The following NMRAL1 variants were observed in gnomAD, a reference collection of about 807,000 sequenced individuals.
NMRAL1 encodes the protein NmrA like redox sensor 1.
A neutral mutation model predicts 27.5 loss-of-function variants in NMRAL1; 32 were observed. That is an observed-to-expected ratio of 1.16 (90% CI 0.88 to 1.56). The LOEUF is 1.56. Among genes scored for constraint, NMRAL1 ranks in the 40% most tolerant of loss-of-function variants. NMRAL1 has a pLI of 0.00. For missense variants in NMRAL1, 420 were observed against 392.0 expected, an observed-to-expected ratio of 1.07 and a Z score of -0.60; for synonymous variants, 166 against 166.8, an observed-to-expected ratio of 1.00 and a Z score of 0.04.
chr16:4,464,082 G>C (rs1177113965), intron 4 of NMRAL1: 19 of 538,862 alleles, frequency 3.5e-5, no homozygotes, highest in Non-Finnish European at 5.5e-5. Context: ...GGCTGTTGAG[G>C]CTCTCTGAGC....
At position 4,463,858 on chromosome 16, in the gene NMRAL1, G is replaced by A. The variant is rs1408416646; in HGVS notation, c.530-8C>T. 1.2e-6 allele frequency: 2 copies of A among 1,610,974 alleles called. No individual in the cohort carries two copies. Among genetic ancestry groups the A allele is most frequent in the Non-Finnish European group, 1.7e-6 (2 of 1,177,920 alleles). ...CGTCACCTGTGGGCAAGCCTGTGGG[G>A]CAGAGACGTGAGCTGGTATATGTCC... is the stretch of plus-strand genomic sequence containing the variant. On this transcript the variant is annotated splice_polypyrimidine_tract_variant and splice_region_variant and intron_variant, in intron 4 of 5. Transcript: ENST00000283429.
chr16:4,463,810 C>T lies in NMRAL1; in HGVS notation c.570G>A (p.Val190=), dbSNP rs1024180276. Residue 190 remains valine (V), a synonymous_variant, in exon 5 of 6, where the codon GTG becomes GTA. Coordinates refer to ENST00000283429, the MANE Select transcript of NMRAL1 (RefSeq NM_020677.6). ...TGDVPMDGMS[V]SDLGPVVLSL... is the part of the protein sequence containing the mutation. The stretch of plus-strand genomic sequence containing the variant: ...TGAGCACCACAGGACCCAGGTCAGA[C>T]ACGGACATGCCATCCATGGGAACGT... 29 of 1,613,820 alleles carry T rather than the reference C, an allele frequency of 1.8e-5. No homozygotes were observed. The highest frequency in any genetic ancestry group is 2.3e-5 in the Non-Finnish European group (27 of 1,179,940).
At position 4,461,760 on chromosome 16, in the gene NMRAL1, G is replaced by A. The variant is rs1291200702; in HGVS notation, c.*20C>T. 1 of 1,595,276 alleles carries A rather than the reference G, an allele frequency of 6.3e-7. No individual in the cohort carries two copies. On this transcript the variant is annotated 3_prime_UTR_variant, in exon 6 of 6. Coordinates refer to ENST00000283429, the MANE Select transcript of NMRAL1 (RefSeq NM_020677.6). ...CCTCTGGTGCCCCCGATCCCCACAA[G>A]GGGCCGCGAGGCGGGCAGGTCACAG...
At chr16:4,473,038 C>G (rs921370018) in intron 2 of NMRAL1, among the ~76,000 whole-genome samples, 1 of 147,792 alleles carries the variant, frequency 6.8e-6, no homozygotes, top group African/African-American at 2.5e-5. Flanking sequence ...TGCAGTGGCA[C>G]AATCAGGTCA....
rs2057456814 is a variant in NMRAL1 at position 4,469,316 on chromosome 16, T to A, written c.190A>T (p.Ile64Phe). ...GCCCCATTCAGGGCCAGCTCCATGA[T>A]GACCTGGTCATCTTGGTCTCCCTGC... ...VVQGDQDDQV[I>F]MELALNGAYA... Residue 64 changes from isoleucine to phenylalanine, a missense_variant, in exon 3 of 6, where the codon ATC (isoleucine) becomes TTC (phenylalanine). Coordinates refer to ENST00000283429, the MANE Select transcript of NMRAL1 (RefSeq NM_020677.6). 2.5e-6 allele frequency: 4 copies of A among 1,614,052 alleles called. No homozygotes were observed. Among genetic ancestry groups the A allele is most frequent in the African/African-American group, 1.3e-5 (1 of 74,942 alleles).
At chr16:4,464,258 ACT>A (rs1332093253) in intron 4 of NMRAL1, 6 of 217,660 alleles carry the variant, frequency 2.8e-5, no homozygotes, top group African/African-American at 1.4e-4. Context: ...AGCCTGAAGT[ACT>A]CTGTCATATC....
In NMRAL1 at chr16:4,463,966, C is replaced by T. The variant is rs925484430; in HGVS notation, c.530-116G>A. 28 of 735,276 alleles carry T rather than the reference C, an allele frequency of 3.8e-5. No individual in the cohort carries two copies. In the Admixed American group the frequency reaches 8.1e-4, roughly 21 times the overall value. 45.5% of individuals were successfully genotyped at this position (735,276 alleles called of 1,614,324 possible). A position where few individuals can be genotyped will look rare whatever the true frequency, so the allele number is the denominator to read the frequency against. Reference sequence around the variant, plus strand: ...CCCAGCAGTCAGCTGCACACTCCAGCACTCGGGCATAGCTAAGACAAGTCT... The same window carrying T: ...CCCAGCAGTCAGCTGCACACTCCAGTACTCGGGCATAGCTAAGACAAGTCT... On this transcript the variant is annotated intron_variant, in intron 4 of 5. Coordinates refer to ENST00000283429, the MANE Select transcript of NMRAL1 (RefSeq NM_020677.6).
chr16:4,465,705 T>C (rs1180368377), intron 4 of NMRAL1, among the ~76,000 whole-genome samples: 1 of 152,134 alleles, frequency 6.6e-6, no homozygotes, highest in Admixed American at 6.6e-5. Context: ...TAGCTGCCAG[T>C]ACAGGTGGGT....
At chr16:4,473,996 C>A in intron 2 of NMRAL1, 97 bp downstream of exon 2, 2 of 906,898 alleles carry the variant, frequency 2.2e-6, no homozygotes, top group Non-Finnish European at 3.5e-6. Flanking sequence ...GTCGGGGGTC[C>A]CAGTGACCTT....
At chr16:4,469,734 G>T in intron 2 of NMRAL1, 1 of 538,226 alleles carries the variant, frequency 1.9e-6, no homozygotes, top group Non-Finnish European at 3.2e-6. Context: ...GGGTGTGAAG[G>T]CACATGCCTG....
At chr16:4,466,919 G>A (rs1310513832) in intron 3 of NMRAL1, 1 of 159,310 alleles carries the variant, frequency 6.3e-6, no homozygotes, top group South Asian at 1.8e-4. Flanking sequence ...AGGTGACGCA[G>A]AGATTCGGAC....
chr16:4,472,499 C>A (rs953807345), intron 2 of NMRAL1, among the ~76,000 whole-genome samples: 1 of 151,998 alleles, frequency 6.6e-6, no homozygotes, highest in African/African-American at 2.4e-5. Flanking sequence ...AATCCCAGCA[C>A]TTTAGGAAGC....
intron 5 of NMRAL1, among the ~76,000 whole-genome samples, chr16:4,462,523 G>C (rs1332579438): frequency 6.6e-6 from 1 of 152,018 alleles, no homozygotes; most frequent in African/African-American, 2.4e-5. Context: ...ATCATGAGAC[G>C]AAAATATCTC....
intron 2 of NMRAL1, among the ~76,000 whole-genome samples, chr16:4,472,171 CAG>C (rs2057590595): frequency 1.3e-5 from 2 of 152,102 alleles, no homozygotes; most frequent in Admixed American, 1.3e-4. Context: ...AATGGACAAA[CAG>C]AATATAGTCT....
chr16:4,475,359 CAGTGGTGGTG>C (rs1485535474), upstream of NMRAL1, among the ~76,000 whole-genome samples: 5,196 of 151,556 alleles, frequency 0.034, 302 homozygotes, highest in African/African-American at 0.12. Context: ...GGCTGGAGTG[CAGTGGTGGTG>C]CGATCTTGGC....
At chr16:4,474,296 G>T (rs1259411814) in intron 1 of NMRAL1, 130 bp from the exon 2 acceptor site, 15 of 640,230 alleles carry the variant, frequency 2.3e-5, no homozygotes, top group Non-Finnish European at 3.8e-5. Context: ...GCGGCAAGAC[G>T]CCTGTCCCGA....
intron 4 of NMRAL1, 146 bp from the exon 5 acceptor site, chr16:4,463,996 A>G (rs1383790416): frequency 3.3e-6 from 2 of 608,768 alleles, no homozygotes; most frequent in South Asian, 2.3e-5. Context: ...AAGTCTTGCT[A>G]TTTGTGGTAG....
intron 4 of NMRAL1, among the ~76,000 whole-genome samples, chr16:4,465,226 T>C (rs1416430224): frequency 6.6e-6 from 1 of 152,078 alleles, no homozygotes; most frequent in East Asian, 1.9e-4. Flanking sequence ...TTGCAAACTA[T>C]AATAAATGGT....
chr16:4,474,044 G>A lies in NMRAL1; in HGVS notation c.40+49C>T, dbSNP rs2057714876. On this transcript the variant is annotated intron_variant, in intron 2 of 5. Transcript: ENST00000283429. ...AGACCCCAGGACGGGCGGTCTTCAG[G>A]GCTAGGCGCCCTGGCTCTGCAAGGG... is the stretch of plus-strand genomic sequence containing the variant. The A allele has an allele frequency of 4.0e-6, 6 of 1,513,998 alleles. No homozygotes were observed. The East Asian group carries it at 1.4e-4, about 34-fold the overall frequency. 93.8% of individuals were successfully genotyped at this position (1,513,998 alleles called of 1,614,324 possible).
Sources: gnomAD v4.1 joint callset for allele counts (sites outside exome capture counted in the v4.1 genomes callset) on GRCh38, gnomAD v4.1.1 for gene constraint, MANE v1.5 for transcripts, NCBI Gene and HGNC (gene_info 2026-07-23, HGNC 2026-07-21) for gene names.